Variants in SBF1 observed in about 807,000 individuals in gnomAD.
SBF1 encodes the protein myotubularin-related protein 5.
In SBF1, 65 loss-of-function variants were observed where a neutral mutation model predicts 215.8. The ratio of observed to expected loss-of-function variants is 0.30; its 90% CI spans 0.25 to 0.37. The LOEUF is 0.37. Among genes scored for constraint, SBF1 ranks in the 10% least tolerant of loss-of-function variants. SBF1 has a pLI of 1.00. For missense variants in SBF1, 2,634 were observed against 2,667.8 expected (o/e 0.99, Z 0.28); for synonymous variants, 1,410 against 1,122.8 (o/e 1.26, Z -5.11).
In SBF1 at chr22:50,445,513, C is replaced by G. The variant is rs1021893012; in HGVS notation, c.*1629G>C. ...AGGCCGAGTCTCTGCCCCAGCTACA[C>G]ATTGAGTGCCTTGTTCTCGCCGCCT... On this transcript the variant is annotated 3_prime_UTR_variant, in exon 41 of 41. Coordinates refer to ENST00000380817, the MANE Select transcript of SBF1 (RefSeq NM_002972.4). 6.6e-6 allele frequency: 1 copy of G among 152,278 alleles called. No individual in the cohort carries two copies. The highest frequency in any genetic ancestry group is 1.5e-5 in the Non-Finnish European group (1 of 68,094). The allele number at this position is 152,278 out of a possible 1,614,324, so 9.4% of individuals were successfully genotyped here.
chr22:50,460,347 G>C lies in SBF1; in HGVS notation c.3208C>G (p.Arg1070Gly). The change falls in exon 25 of 41, where the codon CGC (arginine) becomes GGC (glycine). Residue 1070 changes from arginine (R) to glycine (G), a missense_variant. Transcript: ENST00000380817. ...KKTIGRQHVT[R>G]KKYNPPSWEH... ...CAGCTGGGGGGGTTGTACTTCTTGC[G>C]AGTGACATGCTGCCGCCCGATGGTC... 6.2e-7 allele frequency: 1 copy of C among 1,613,660 alleles called. No homozygotes were observed. The highest frequency in any genetic ancestry group is 8.5e-7 in the Non-Finnish European group (1 of 1,179,686).
rs1336892772 is a variant in SBF1 at position 50,462,135 on chromosome 22, A to C, written c.2397-16T>G. ...GCCAGCCATGCTGGGCCAGAGAAGA[A>C]ACTGTGGGCATGGGCCCTGCCCACC... On this transcript the variant is annotated splice_polypyrimidine_tract_variant and intron_variant, in intron 19 of 40. Coordinates refer to ENST00000380817, the MANE Select transcript of SBF1 (RefSeq NM_002972.4). 2 of 1,611,520 alleles carry C rather than the reference A, an allele frequency of 1.2e-6. No homozygotes were observed. Among genetic ancestry groups the C allele is most frequent in the African/African-American group, 2.7e-5 (2 of 74,908 alleles).
intron 15 of SBF1, among the ~76,000 whole-genome samples, chr22:50,464,113 T>A (rs1467487656): frequency 1.3e-5 from 2 of 152,226 alleles, no homozygotes; most frequent in Non-Finnish European, 2.9e-5. Flanking sequence ...TACATCTCCC[T>A]GGCTGGGTCT....
intron 1 of SBF1, among the ~76,000 whole-genome samples, chr22:50,472,100 C>T (rs1001950380): frequency 9.2e-5 from 14 of 152,210 alleles, no homozygotes; most frequent in African/African-American, 3.1e-4. Flanking sequence ...TGATGCCTGC[C>T]CCAGAGCACA....
In SBF1 at chr22:50,455,261, G is replaced by A. The variant is rs374199797; in HGVS notation, c.4517C>T (p.Thr1506Ile). The change falls in exon 33 of 41, where the codon ACA (threonine) becomes ATA (isoleucine). Residue 1506 changes from threonine to isoleucine, a missense_variant. Physicochemically the swap from Thr to Ile is moderately conservative, Grantham distance 89. Coordinates refer to ENST00000380817, the MANE Select transcript of SBF1 (RefSeq NM_002972.4). ...HTLAGQSSGFTPVFLQFLDCV... is the reference protein window; with the variant it reads ...HTLAGQSSGFIPVFLQFLDCV... ...GTCCAGGAACTGCAGGAAGACGGGT[G>A]TGAAGCCGCTGCTCTGCCCGGCCAG... The A allele has an allele frequency of 4.8e-5, 78 of 1,613,258 alleles. No homozygotes were observed. In the African/African-American group the frequency reaches 9.5e-4, roughly 20 times the overall value.
At chr22:50,460,796 C>G in intron 23 of SBF1, 84 bp from the exon 24 acceptor site, 1 of 1,427,086 alleles carries the variant, frequency 7.0e-7, no homozygotes, top group African/African-American at 1.4e-5. Context: ...CTCCCCTTCC[C>G]CTCGCAGCCA....
In SBF1 at chr22:50,447,038, A is replaced by T; in HGVS notation, c.*104T>A. On this transcript the variant is annotated 3_prime_UTR_variant, in exon 41 of 41. Coordinates refer to ENST00000380817, the MANE Select transcript of SBF1 (RefSeq NM_002972.4). ...ACAAGTGCTGGGGGCTCGGGGCCTC[A>T]ATACTGTCGAGGGCCGGGGCTGTAA... The T allele has an allele frequency of 9.7e-7, 1 of 1,034,538 alleles. No individual in the cohort carries two copies. The highest frequency in any genetic ancestry group is 1.4e-6 in the Non-Finnish European group (1 of 689,910). 64.1% of individuals were successfully genotyped at this position (1,034,538 alleles called of 1,614,324 possible). A position where few individuals can be genotyped will look rare whatever the true frequency, so the allele number is the denominator to read the frequency against.
intron 23 of SBF1, 109 bp downstream of exon 23, chr22:50,461,050 A>T (rs1034007971): frequency 5.1e-6 from 7 of 1,376,796 alleles, no homozygotes; most frequent in Non-Finnish European, 6.8e-6. Flanking sequence ...GCGTAACAAC[A>T]GGGCCACTGC....
Position 50,447,351 on chromosome 22 carries a change from T to C in SBF1, c.5554A>G (p.Lys1852Glu). Residue 1852 changes from lysine to glutamate, a missense_variant, in exon 40 of 41, where the codon AAG becomes GAG. By Grantham distance (56) the Lys-to-Glu change is moderately conservative. Transcript: ENST00000380817. ...AAGAAGGCCTTCTCGTCCACAGTCTTAGGGGCACCCATAGTGGGCGTGCCA... is the reference window on the plus strand; with the variant it reads ...AAGAAGGCCTTCTCGTCCACAGTCTCAGGGGCACCCATAGTGGGCGTGCCA... ...APGTPTMGAPKTVDEKAFFDV... is the reference protein window; with the variant it reads ...APGTPTMGAPETVDEKAFFDV... The C allele has an allele frequency of 6.2e-7, 1 of 1,613,974 alleles. No homozygotes were observed. The highest frequency in any genetic ancestry group is 8.5e-7 in the Non-Finnish European group (1 of 1,179,940).
At position 50,455,211 on chromosome 22, in the gene SBF1, G is replaced by T. The variant is rs751971689; in HGVS notation, c.4554+13C>A. 1.9e-6 allele frequency: 3 copies of T among 1,612,118 alleles called. No homozygotes were observed. The highest frequency in any genetic ancestry group is 1.7e-4 in the Middle Eastern group (1 of 6,058). The stretch of plus-strand genomic sequence containing the variant: ...TGCACAGTCCCGGCCCACCCACACA[G>T]CGGCCTGCCCACCTGGTGTACGCAG... On this transcript the variant is annotated intron_variant, in intron 33 of 40. Coordinates refer to ENST00000380817, the MANE Select transcript of SBF1 (RefSeq NM_002972.4).
Position 50,454,498 on chromosome 22 carries a change from G to A in SBF1, c.5043+14C>T, listed in dbSNP as rs551790521. ...GGGGTGCCAGGCCAGACCCTGCTCT[G>A]GGATCACACGCACCTCCAGCAGGCG... On this transcript the variant is annotated intron_variant, in intron 36 of 40. Transcript: ENST00000380817. 2 of 1,604,346 alleles carry A rather than the reference G, an allele frequency of 1.2e-6. No individual in the cohort carries two copies. The highest frequency in any genetic ancestry group is 1.3e-5 in the African/African-American group (1 of 74,996).
At position 50,460,364 on chromosome 22, in the gene SBF1, C is replaced by T. The variant is rs201200122; in HGVS notation, c.3191G>A (p.Gly1064Glu). The change falls in exon 25 of 41, where the codon GGG becomes GAG. Residue 1064 changes from glycine (G) to glutamate (E), a missense_variant. By Grantham distance (98) the Gly-to-Glu change is moderately conservative. Coordinates refer to ENST00000380817, the MANE Select transcript of SBF1 (RefSeq NM_002972.4). ...CTTCTTGCGAGTGACATGCTGCCGC[C>T]CGATGGTCTTCTTGGCGTTCTTGAC... ...NLVKNAKKTI[G>E]RQHVTRKKYN... 180 of 1,613,430 alleles carry T rather than the reference C, an allele frequency of 1.1e-4. No homozygotes were observed. The highest frequency in any genetic ancestry group is 1.6e-4 in the Middle Eastern group (1 of 6,080).
Position 50,456,682 on chromosome 22 carries a change from G to A in SBF1, c.3905-9C>T, listed in dbSNP as rs574807761. 9.9e-4 allele frequency: 1,444 copies of A among 1,463,788 alleles called. 3 individuals carry two copies. Among genetic ancestry groups the A allele is most frequent in the South Asian group, 2.4e-3 (165 of 69,192 alleles). 90.7% of individuals were successfully genotyped at this position (1,463,788 alleles called of 1,614,324 possible). The stretch of plus-strand genomic sequence containing the variant: ...GACACTGCCCCACTTACCTGTGAAG[G>A]AGATGCCAGGTAAGCACCCAAAGGG... On this transcript the variant is annotated splice_polypyrimidine_tract_variant and intron_variant, in intron 29 of 40. Transcript: ENST00000380817.
At chr22:50,457,354 C>T (rs1303755108) in intron 28 of SBF1, 8 of 427,076 alleles carry the variant, frequency 1.9e-5, no homozygotes, top group East Asian at 1.4e-4. Context: ...GTGGGGATCC[C>T]GGGCTCTCCT....
intron 31 of SBF1, 115 bp from the exon 32 acceptor site, chr22:50,455,697 G>GC (rs1037504725): frequency 7.4e-6 from 6 of 810,590 alleles, no homozygotes; most frequent in Non-Finnish European, 8.1e-6. Context: ...CCTGTCCACA[G>GC]CCCCCCAAGC....
At chr22:50,464,260 G>A (rs2067649990) in intron 15 of SBF1, 69 bp downstream of exon 15, 7 of 1,297,632 alleles carry the variant, frequency 5.4e-6, no homozygotes, top group Non-Finnish European at 7.7e-6. Context: ...ACTCACAAGG[G>A]TGAAGTGCAG....
At chr22:50,474,712 C>CCTCAGA in intron 1 of SBF1, 74 bp downstream of exon 1, 1 of 1,313,432 alleles carries the variant, frequency 7.6e-7, no homozygotes. Flanking sequence ...GGCCCTCGAC[C>CCTCAGA]CTCAGACCCA....
chr22:50,460,949 G>A (rs567392912), intron 23 of SBF1, among the ~76,000 whole-genome samples: 2 of 152,226 alleles, frequency 1.3e-5, no homozygotes, highest in Non-Finnish European at 2.9e-5. Flanking sequence ...CTTGAGGGCC[G>A]GCGCCCCAAG....
rs2066808396 is a variant in SBF1 at position 50,446,356 on chromosome 22, T to TGCCCCCCCCCCCCC, written c.*785_*786insGGGGGGGGGGGGGC. On this transcript the variant is annotated 3_prime_UTR_variant, in exon 41 of 41. Transcript: ENST00000380817. ...CCTGCATTCCCCTGGGAGCCCACTG[T>TGCCCCCCCCCCCCC]CCCCCCCCCCCCCCCGCCTCCGGCC... is the stretch of plus-strand genomic sequence containing the variant. 6 of 35,036 alleles carry TGCCCCCCCCCCCCC rather than the reference T, an allele frequency of 1.7e-4. No individual in the cohort carries two copies. The highest frequency in any genetic ancestry group is 5.2e-4 in the East Asian group (1 of 1,906). 2.2% of individuals were successfully genotyped at this position (35,036 alleles called of 1,614,324 possible). A position where few individuals can be genotyped will look rare whatever the true frequency, so the allele number is the denominator to read the frequency against.
Sources: gnomAD v4.1 joint callset for allele counts (sites outside exome capture counted in the v4.1 genomes callset) on GRCh38, gnomAD v4.1.1 for gene constraint, MANE v1.5 for transcripts, NCBI Gene and HGNC (gene_info 2026-07-23, HGNC 2026-07-21) for gene names.